Variants in NCOR2 observed in about 807,000 individuals in gnomAD.
NCOR2 encodes the protein CTG repeat protein 26.
Under a neutral mutation model 262.9 loss-of-function variants are expected in NCOR2, and 81 were observed. That is an observed-to-expected ratio of 0.31 (90% CI 0.26 to 0.37). NCOR2 has a LOEUF of 0.37. NCOR2 is among the 10% of genes least tolerant of loss of function. The pLI is 1.00. For synonymous variants in NCOR2, 1,659 were observed against 1,559.3 expected (o/e 1.06, Z -1.51); for missense variants, 3,385 against 3,621.4 (o/e 0.93, Z 1.68).
In NCOR2 at chr12:124,389,658, T is replaced by C. The variant is rs977596306; in HGVS notation, c.1877-3771A>G. On this transcript the variant is annotated intron_variant, in intron 16 of 46. Coordinates refer to ENST00000405201, the Ensembl canonical transcript of NCOR2. This position sits in a 1 kb window ranked among gnomAD's most constrained non-coding sequence, Gnocchi z 4.4. ...TGACCGAGCCCTCTGTCGGGGACTG[T>C]GGGTGGGCAGGGCTAGCCTCGCATT... Among the ~76,000 whole-genome samples the C allele has an allele frequency of 1.4e-4, 21 of 152,044 alleles. No individual in the cohort carries two copies. The highest frequency in any genetic ancestry group is 2.6e-4 in the Admixed American group (4 of 15,294).
intron 11 of NCOR2, among the ~76,000 whole-genome samples, chr12:124,426,011 C>T (rs1359620819): frequency 1.3e-5 from 2 of 152,184 alleles, no homozygotes; most frequent in African/African-American, 4.8e-5. Context: ...AAAATAGAAA[C>T]CACCAAAAGC....
chr12:124,457,917 C>G lies in NCOR2; in HGVS notation c.706-755G>C, dbSNP rs1041389410. 6.6e-6 allele frequency among the ~76,000 whole-genome samples: 1 copy of G among 152,120 alleles called. No individual in the cohort carries two copies. The highest frequency in any genetic ancestry group is 2.4e-5 in the African/African-American group (1 of 41,430). On this transcript the variant is annotated intron_variant, in intron 5 of 46. Coordinates refer to ENST00000405201, the Ensembl canonical transcript of NCOR2. The surrounding 1 kb of genome is among the most constrained non-coding windows in gnomAD (Gnocchi z 4.0). ...GGCCTGGAGGGCAGCCCAGGCCAGC[C>G]GGGTACAGGGAGGTGGGGGGCGGAG... is the stretch of plus-strand genomic sequence containing the variant.
chr12:124,325,391 C>CCCCCCCCCCCCCA, exon 47 of NCOR2: 2 of 1,128,212 alleles, frequency 1.8e-6, no homozygotes, highest in Non-Finnish European at 2.3e-6. Context: ...CCCCCCCCGC[C>CCCCCCCCCCCCCA]CTGTTCTGAG....
intron 13 of NCOR2, among the ~76,000 whole-genome samples, chr12:124,416,985 G>A (rs1271359812): frequency 6.6e-6 from 1 of 152,212 alleles, no homozygotes; most frequent in African/African-American, 2.4e-5. Context: ...CTCAATCAAT[G>A]GATGAGTCAG....
chr12:124,336,521 G>T, intron 38 of NCOR2: 1 of 1,204,064 alleles, frequency 8.3e-7, no homozygotes, highest in East Asian at 3.2e-5. Flanking sequence ...AGGACGGATG[G>T]GCTTCAAAAC....
chr12:124,408,227 G>A (rs1053697643), intron 13 of NCOR2, among the ~76,000 whole-genome samples: 9 of 152,136 alleles, frequency 5.9e-5, no homozygotes, highest in African/African-American at 1.2e-4. Flanking sequence ...GGTGGCGGGC[G>A]CCTGTAGTCC....
At chr12:124,335,413 C>T in intron 39 of NCOR2, 70 bp downstream of exon 41, 1 of 1,544,390 alleles carries the variant, frequency 6.5e-7, no homozygotes, top group Non-Finnish European at 8.7e-7. Context: ...GTTTTCCTAT[C>T]TGCATGATGG....
At chr12:124,333,192 T>C (rs1291423739) in exon 42 of NCOR2, 27 of 1,613,034 alleles carry the variant, frequency 1.7e-5, no homozygotes, top group Non-Finnish European at 2.0e-5. Flanking sequence ...GGGAGTGCCC[T>C]GGCTCCGTCA....
At chr12:124,336,893 G>A (rs2035947216) in exon 38 of NCOR2, 18 of 1,605,624 alleles carry the variant, frequency 1.1e-5, no homozygotes, top group Non-Finnish European at 1.5e-5. Context: ...AGGGGTGCGG[G>A]CGATGGTGGC....
intron 36 of NCOR2, 26 bp downstream of exon 38, chr12:124,340,268 G>C (rs200988267): frequency 5.6e-6 from 9 of 1,606,874 alleles, no homozygotes; most frequent in Admixed American, 3.3e-5. Context: ...GTCCCGGAGC[G>C]GGGGGTGGGG....
At chr12:124,518,542 G>C (rs895516899) in intron 1 of NCOR2, among the ~76,000 whole-genome samples, 1 of 152,258 alleles carries the variant, frequency 6.6e-6, no homozygotes, top group Non-Finnish European at 1.5e-5. Context: ...CGGGCCTCCA[G>C]CGATCCGTTC....
intron 5 of NCOR2, among the ~76,000 whole-genome samples, chr12:124,465,855 G>A (rs1315870173): frequency 2.6e-5 from 4 of 152,214 alleles, no homozygotes; most frequent in Admixed American, 2.6e-4. Flanking sequence ...TAAAGTGGCA[G>A]CCCCTTACCC....
rs1486168533 is a variant in NCOR2 at position 124,485,435 on chromosome 12, C to T, written c.233+1006G>A. ...ACAGCTGAGGAACGCCTGTAGCCCC[C>T]AGAAGCTGGAGGAGACAGAAAAGCA... On this transcript the variant is annotated intron_variant, in intron 2 of 46. Transcript: ENST00000405201. Among the ~76,000 whole-genome samples the T allele has an allele frequency of 2.6e-5, 4 of 152,234 alleles. No individual in the cohort carries two copies. The East Asian group carries it at 7.7e-4, about 29-fold the overall frequency.
chr12:124,335,288 C>T lies in NCOR2; in HGVS notation c.6266-8G>A, dbSNP rs1278604575. The stretch of plus-strand genomic sequence containing the variant: ...CGCCAAGCTTCACGGGGCCTGCAGG[C>T]AGAGCAGAGCTGGTCAGGGGGTGTC... On this transcript the variant is annotated splice_polypyrimidine_tract_variant and splice_region_variant and intron_variant, in intron 39 of 46. Transcript: ENST00000405201. 1 of 1,583,308 alleles carries T rather than the reference C, an allele frequency of 6.3e-7. No individual in the cohort carries two copies. Among genetic ancestry groups the T allele is most frequent in the Non-Finnish European group, 8.6e-7 (1 of 1,166,658 alleles).
At chr12:124,326,022 G>A in intron 46 of NCOR2, 169 bp downstream of exon 48, 1 of 704,940 alleles carries the variant, frequency 1.4e-6, no homozygotes, top group Non-Finnish European at 2.1e-6. Context: ...CATCCTGATG[G>A]TTCGTGAGCC....
At chr12:124,352,846 C>T (rs1194257397) in intron 27 of NCOR2, among the ~76,000 whole-genome samples, 2 of 152,214 alleles carry the variant, frequency 1.3e-5, no homozygotes, top group East Asian at 3.8e-4. Context: ...GCCTCTTGCT[C>T]TTGGCCCCAA....
chr12:124,352,029 A>G (rs1416300063), intron 27 of NCOR2, among the ~76,000 whole-genome samples: 1 of 152,168 alleles, frequency 6.6e-6, no homozygotes, highest in Non-Finnish European at 1.5e-5. Flanking sequence ...GACGCCCTGA[A>G]TTCTGATGAG....
chr12:124,355,807 C>T (rs968480176), intron 23 of NCOR2, among the ~76,000 whole-genome samples: 10 of 152,184 alleles, frequency 6.6e-5, no homozygotes, highest in South Asian at 4.1e-4. Flanking sequence ...CTGATCCAAG[C>T]GCCCTCAACT....
chr12:124,472,014 C>T (rs1286026293), intron 4 of NCOR2, among the ~76,000 whole-genome samples: 2 of 152,186 alleles, frequency 1.3e-5, no homozygotes, highest in Non-Finnish European at 2.9e-5. Flanking sequence ...AACAAGTGGT[C>T]GTGGCTGTGC....
Sources: allele counts gnomAD v4.1 joint callset (sites outside exome capture counted in the v4.1 genomes callset), GRCh38; gene constraint gnomAD v4.1.1; non-coding constraint Gnocchi (gnomAD v3.1); transcripts MANE v1.5; gene names NCBI Gene and HGNC (gene_info 2026-07-23, HGNC 2026-07-21).